SCARB1: variants seen among roughly 807,000 people sequenced by gnomAD.
The protein encoded by SCARB1 is CD36 and LIMPII analogous 1.
Under a neutral mutation model 57.2 loss-of-function variants are expected in SCARB1, and 30 were observed. The ratio of observed to expected loss-of-function variants is 0.52; its 90% CI spans 0.39 to 0.71. SCARB1 has a LOEUF of 0.71. Ranked by LOEUF, SCARB1 falls within the 30% of genes least tolerant of loss-of-function variation. The probability of loss-of-function intolerance (pLI) is 0.00; values close to 1 mark genes in which losing one functional copy is unlikely to be tolerated. For synonymous variants in SCARB1, 249 were observed against 268.3 expected, an observed-to-expected ratio of 0.93 and a Z score of 0.70; for missense variants, 543 against 671.2, an observed-to-expected ratio of 0.81 and a Z score of 2.11.
At chr12:124,851,450 T>C (rs1037947373) in intron 1 of SCARB1, among the ~76,000 whole-genome samples, 2 of 151,854 alleles carry the variant, frequency 1.3e-5, no homozygotes, top group East Asian at 1.9e-4. Context: ...TTTTTTCTAA[T>C]TGAATGCATG....
chr12:124,825,029 C>T (rs1269475094), intron 1 of SCARB1, among the ~76,000 whole-genome samples: 1 of 151,552 alleles, frequency 6.6e-6, no homozygotes. Flanking sequence ...TCGAGATCAT[C>T]CTGGCCAACA....
Position 124,782,759 on chromosome 12 carries a change from T to G in SCARB1, c.1454A>C (p.Glu485Ala), listed in dbSNP as rs1949365285. The change falls in exon 12 of 13, where the codon GAG (glutamate) becomes GCG (alanine). Residue 485 changes from glutamate (E) to alanine (A), a missense_variant. Glu to Ala is a moderately radical substitution (Grantham distance 107). Coordinates refer to ENST00000261693, the MANE Select transcript of SCARB1 (RefSeq NM_005505.5). ...GGATTCAGAATAGGCCTGAATGGCCTCCTTATCCTTTGAGCCCTTTTTACT... is the reference window on the plus strand; with the variant it reads ...GGATTCAGAATAGGCCTGAATGGCCGCCTTATCCTTTGAGCCCTTTTTACT... ...SSSKKGSKDK[E>A]AIQAYSESLM... 1.2e-6 allele frequency: 2 copies of G among 1,613,718 alleles called. No homozygotes were observed. The highest frequency in any genetic ancestry group is 4.5e-5 in the East Asian group (2 of 44,892).
chr12:124,830,561 C>T (rs1325553065), intron 1 of SCARB1, among the ~76,000 whole-genome samples: 2 of 152,012 alleles, frequency 1.3e-5, no homozygotes, highest in Non-Finnish European at 2.9e-5. Context: ...ACAGGGACCA[C>T]GTGCATGAGT....
At chr12:124,779,024 C>T (rs751535360) in intron 12 of SCARB1, among the ~76,000 whole-genome samples, 46 of 152,162 alleles carry the variant, frequency 3.0e-4, no homozygotes, top group Non-Finnish European at 4.7e-4. Context: ...CATCATGGCT[C>T]ACCACGGCCT....
intron 1 of SCARB1, among the ~76,000 whole-genome samples, chr12:124,850,071 CTAAA>C (rs1952326579): frequency 8.5e-6 from 1 of 117,772 alleles, no homozygotes; most frequent in African/African-American, 3.2e-5. Flanking sequence ...CTCAAAAAAT[CTAAA>C]TAAATAAATA....
chr12:124,830,799 AAAATT>A (rs1396548084), intron 1 of SCARB1, among the ~76,000 whole-genome samples: 8 of 152,324 alleles, frequency 5.3e-5, no homozygotes, highest in South Asian at 2.1e-4. Flanking sequence ...TAAAAAGAAA[AAAATT>A]AAAGCAAAAA....
chr12:124,807,637 C>T lies in SCARB1; in HGVS notation c.1009+124G>A, dbSNP rs548788199. The stretch of plus-strand genomic sequence containing the variant: ...TATCTTCCTGCGGCCTCATTATCTT[C>T]GCCTAATGGGATTATCAAGAGTACA... On this transcript the variant is annotated intron_variant, in intron 7 of 12. Transcript: ENST00000261693. This position sits in a 1 kb window ranked among gnomAD's most constrained non-coding sequence, Gnocchi z 5.3. 1.1e-4 allele frequency: 101 copies of T among 911,006 alleles called. No individual in the cohort carries two copies. The highest frequency in any genetic ancestry group is 5.9e-4 in the South Asian group (36 of 61,288). The allele number at this position is 911,006 out of a possible 1,614,324, so 56.4% of individuals were successfully genotyped here.
intron 1 of SCARB1, among the ~76,000 whole-genome samples, chr12:124,842,003 T>G (rs185532815): frequency 1.3e-5 from 2 of 152,082 alleles, no homozygotes; most frequent in Non-Finnish European, 2.9e-5. Flanking sequence ...GCCGAAAGGA[T>G]GAGTAGCTTT....
At chr12:124,858,602 G>A (rs1161254379) in intron 1 of SCARB1, among the ~76,000 whole-genome samples, 3 of 151,922 alleles carry the variant, frequency 2.0e-5, no homozygotes, top group African/African-American at 4.8e-5. Flanking sequence ...GATTTTGGCC[G>A]GGCGCGGTGG....
rs1488849432 is a variant in SCARB1 at position 124,817,618 on chromosome 12, G to A, written c.216C>T (p.Val72=). 2.7e-5 allele frequency: 43 copies of A among 1,614,216 alleles called. No homozygotes were observed. Among genetic ancestry groups the A allele is most frequent in the Non-Finnish European group, 3.6e-5 (43 of 1,180,020 alleles). The change falls in exon 2 of 13, where the codon GTC becomes GTT. Residue 72 remains valine (V), a synonymous_variant. Transcript: ENST00000261693. The surrounding 1 kb of genome is among the most constrained non-coding windows in gnomAD (Gnocchi z 4.8). ...CCTTCAGGATCTCGCTGGGGTTCAT[G>A]ACGTCAAAGAAGTAGACGGAGAGAT... ...PFYLSVYFFD[V]MNPSEILKGE... is the part of the protein sequence containing the mutation.
At chr12:124,844,605 G>A (rs554708087) in intron 1 of SCARB1, among the ~76,000 whole-genome samples, 8 of 151,968 alleles carry the variant, frequency 5.3e-5, no homozygotes, top group Non-Finnish European at 8.8e-5. Flanking sequence ...TCTGACTGAC[G>A]CCCTTAAAAG....
Position 124,814,882 on chromosome 12 carries a change from AG to A in SCARB1, c.426+90del. 6.5e-7 allele frequency: 1 copy of A among 1,547,488 alleles called. No individual in the cohort carries two copies. The highest frequency in any genetic ancestry group is 8.9e-7 in the Non-Finnish European group (1 of 1,127,852). The stretch of plus-strand genomic sequence containing the variant: ...TGAGTCCCCACGCTCCGACCACCTC[AG>A]GGACTGCTCTCTGCACAAGGGGCAG... On this transcript the variant is annotated intron_variant, in intron 3 of 12. Coordinates refer to ENST00000261693, the MANE Select transcript of SCARB1 (RefSeq NM_005505.5). The surrounding 1 kb of genome is among the most constrained non-coding windows in gnomAD (Gnocchi z 4.7).
chr12:124,794,593 A>G (rs1027892202), intron 9 of SCARB1, among the ~76,000 whole-genome samples: 40 of 151,394 alleles, frequency 2.6e-4, no homozygotes, highest in African/African-American at 9.5e-4. Flanking sequence ...AACAGCTTGG[A>G]TTGAAGCTCT....
rs1460569689 is a variant in SCARB1, at chr12:124,825,412, T to C, written c.127-7705A>G. 3.9e-5 allele frequency among the ~76,000 whole-genome samples: 6 copies of C among 152,300 alleles called. No homozygotes were observed. In the East Asian group the frequency reaches 1.2e-3, roughly 29 times the overall value. On this transcript the variant is annotated intron_variant, in intron 1 of 12. Transcript: ENST00000261693. Reference sequence around the variant, plus strand: ...AGGGCCAGGCACGGGGGCTCACGCCTGTGATCCCAACACTTTGGGAGGCCG... The same window carrying C: ...AGGGCCAGGCACGGGGGCTCACGCCCGTGATCCCAACACTTTGGGAGGCCG...
At chr12:124,844,604 C>A (rs1006629233) in intron 1 of SCARB1, among the ~76,000 whole-genome samples, 1 of 151,956 alleles carries the variant, frequency 6.6e-6, no homozygotes, top group Non-Finnish European at 1.5e-5. Flanking sequence ...ATCTGACTGA[C>A]GCCCTTAAAA....
Position 124,791,593 on chromosome 12 carries a change from C to T in SCARB1, c.1202+3602G>A, listed in dbSNP as rs140795447. ...ACAAATATTCTGTCACTTTGCCATG[C>T]ACAGCAGTAGGGAGGGGAGATGGAA... On this transcript the variant is annotated intron_variant, in intron 9 of 12. Transcript: ENST00000261693. Among the ~76,000 whole-genome samples, 17 of 152,294 alleles carry T rather than the reference C, an allele frequency of 1.1e-4. No homozygotes were observed. The East Asian group carries it at 2.7e-3, about 24-fold the overall frequency.
At chr12:124,780,557 C>T (rs1803350136) in intron 12 of SCARB1, among the ~76,000 whole-genome samples, 2 of 152,212 alleles carry the variant, frequency 1.3e-5, no homozygotes, top group African/African-American at 4.8e-5. Flanking sequence ...CCCCAAGCTG[C>T]AGCCAGCCAC....
At position 124,787,467 on chromosome 12, in the gene SCARB1, A is replaced by G; in HGVS notation, c.1203-10T>C. Reference sequence around the variant, plus strand: ...AATCTTCCCAGTTTGTCTGGAAATAAGCAAGACATAGCTGTGTGAAACAAA... The same window carrying G: ...AATCTTCCCAGTTTGTCTGGAAATAGGCAAGACATAGCTGTGTGAAACAAA... On this transcript the variant is annotated splice_polypyrimidine_tract_variant and intron_variant, in intron 9 of 12. Coordinates refer to ENST00000261693, the MANE Select transcript of SCARB1 (RefSeq NM_005505.5). 1 of 1,612,382 alleles carries G rather than the reference A, an allele frequency of 6.2e-7. No homozygotes were observed. Among genetic ancestry groups the G allele is most frequent in the Non-Finnish European group, 8.5e-7 (1 of 1,179,122 alleles).
chr12:124,859,002 G>A (rs1016795079), intron 1 of SCARB1, among the ~76,000 whole-genome samples: 4 of 151,972 alleles, frequency 2.6e-5, no homozygotes, highest in African/African-American at 7.3e-5. Flanking sequence ...AGCCTCTCAA[G>A]TAGCTAGGAC....
Sources: allele counts gnomAD v4.1 joint callset (sites outside exome capture counted in the v4.1 genomes callset), GRCh38; gene constraint gnomAD v4.1.1; non-coding constraint Gnocchi (gnomAD v3.1); transcripts MANE v1.5; gene names NCBI Gene and HGNC (gene_info 2026-07-23, HGNC 2026-07-21).